Variants in IKZF1 observed in about 807,000 individuals in gnomAD.
The protein encoded by IKZF1 is DNA-binding protein Ikaros.
IKZF1 carries 10 observed loss-of-function variants against 51.7 expected under a neutral mutation model. The observed-to-expected ratio is 0.19, with a 90% CI of 0.12 to 0.33. The LOEUF is 0.33. Among genes scored for constraint, IKZF1 ranks in the 10% least tolerant of loss-of-function variants. The pLI, the probability that IKZF1 is intolerant of heterozygous loss-of-function variation, is 1.00. For synonymous variants in IKZF1, 280 were observed against 282.3 expected (o/e 0.99, Z 0.08); for missense variants, 484 against 707.5 (o/e 0.68, Z 3.58).
chr7:50,383,056 G>T (rs543504583), intron 5 of IKZF1, among the ~76,000 whole-genome samples: 8 of 152,308 alleles, frequency 5.3e-5, no homozygotes, highest in African/African-American at 1.9e-4. Flanking sequence ...CAAGTGTACT[G>T]CTAAGACCCA....
chr7:50,309,473 T>A (rs1200391237), intron 1 of IKZF1, among the ~76,000 whole-genome samples: 2 of 152,004 alleles, frequency 1.3e-5, no homozygotes, highest in African/African-American at 4.8e-5. Flanking sequence ...TTCCTTCCCC[T>A]CTTTCTTTCT....
Position 50,403,601 on chromosome 7 carries a change from T to G in IKZF1, c.*2974T>G, listed in dbSNP as rs2153522465. On this transcript the variant is annotated 3_prime_UTR_variant, in exon 8 of 8. Transcript: ENST00000331340. Reference sequence around the variant, plus strand: ...CCTTCTGTAATTTGTACCTAAAGAGTGTGATTATCCTAATTCAAGAGTCAC... The same window carrying G: ...CCTTCTGTAATTTGTACCTAAAGAGGGTGATTATCCTAATTCAAGAGTCAC... 4.4e-6 allele frequency: 1 copy of G among 228,744 alleles called. No homozygotes were observed. Among genetic ancestry groups the G allele is most frequent in the East Asian group, 6.2e-5 (1 of 16,126 alleles). The allele number at this position is 228,744 out of a possible 1,614,324, so 14.2% of individuals were successfully genotyped here.
intron 5 of IKZF1, among the ~76,000 whole-genome samples, chr7:50,384,316 C>T (rs1266229322): frequency 1.3e-5 from 2 of 152,232 alleles, no homozygotes; most frequent in East Asian, 3.8e-4. Flanking sequence ...GGGGCTGGTG[C>T]ATCACCTCCT....
chr7:50,398,012 A>G (rs949305349), intron 7 of IKZF1, among the ~76,000 whole-genome samples: 1 of 152,242 alleles, frequency 6.6e-6, no homozygotes, highest in African/African-American at 2.4e-5. Context: ...ATATTCCTGG[A>G]CAATTCTTAA....
At chr7:50,321,983 T>C (rs551945933) in intron 2 of IKZF1, among the ~76,000 whole-genome samples, 1 of 152,318 alleles carries the variant, frequency 6.6e-6, no homozygotes, top group Admixed American at 6.5e-5. Flanking sequence ...GGATTCCTAT[T>C]TCTAAAACAC....
rs146586725 is a variant in IKZF1, at chr7:50,314,159, G to A, written c.-14-4889G>A. On this transcript the variant is annotated intron_variant, in intron 1 of 7. Coordinates refer to ENST00000331340, the MANE Select transcript of IKZF1 (RefSeq NM_006060.6). Reference sequence around the variant, plus strand: ...TTCATCTCGCTCTGTCGCCCAGGCTGGAGTGCAGTGGCACAATCTCAGCTC... The same window carrying A: ...TTCATCTCGCTCTGTCGCCCAGGCTAGAGTGCAGTGGCACAATCTCAGCTC... Among the ~76,000 whole-genome samples the A allele has an allele frequency of 1.1e-3, 164 of 152,118 alleles. 1 individual carries two copies. Among genetic ancestry groups the A allele is most frequent in the Non-Finnish European group, 2.1e-3 (144 of 67,980 alleles).
intron 7 of IKZF1, among the ~76,000 whole-genome samples, chr7:50,393,422 C>A (rs1815767747): frequency 6.6e-6 from 1 of 152,106 alleles, no homozygotes; most frequent in Non-Finnish European, 1.5e-5. Context: ...TGTTGACCTG[C>A]AGGATGACAT....
intron 3 of IKZF1, among the ~76,000 whole-genome samples, chr7:50,341,031 A>G (rs1412454416): frequency 6.6e-6 from 1 of 151,856 alleles, no homozygotes; most frequent in Admixed American, 6.6e-5. Flanking sequence ...GTGTTAGTTA[A>G]TTTTTCCCAT....
At chr7:50,325,347 A>AG (rs1412361362) in intron 2 of IKZF1, among the ~76,000 whole-genome samples, 1 of 144,576 alleles carries the variant, frequency 6.9e-6, no homozygotes, top group East Asian at 2.1e-4. Flanking sequence ...CCATTGCTCT[A>AG]GGAAGTCATC....
intron 3 of IKZF1, among the ~76,000 whole-genome samples, chr7:50,341,052 A>G (rs1169046317): frequency 1.3e-5 from 2 of 151,730 alleles, no homozygotes; most frequent in African/African-American, 4.8e-5. Context: ...TTCAATAACC[A>G]TGTTTTATTA....
chr7:50,329,251 A>G (rs1795883278), intron 3 of IKZF1, among the ~76,000 whole-genome samples: 1 of 151,998 alleles, frequency 6.6e-6, no homozygotes, highest in Non-Finnish European at 1.5e-5. Flanking sequence ...GAATCCAGAA[A>G]ACAAGTACAT....
intron 6 of IKZF1, among the ~76,000 whole-genome samples, chr7:50,391,526 A>G (rs1466731119): frequency 1.3e-5 from 2 of 152,214 alleles, no homozygotes; most frequent in African/African-American, 4.8e-5. Flanking sequence ...TGTTGGAGGA[A>G]GAAGCATTTG....
At position 50,319,085 on chromosome 7, in the gene IKZF1, C is replaced by T. The variant is rs763123993; in HGVS notation, c.24C>T (p.Asp8=). MDADEGQ[D]MSQVSGKESP... is the part of the protein sequence containing the mutation. ...CCATGGATGCTGATGAGGGTCAAGA[C>T]ATGTCCCAAGTTTCAGGTGAGACCT... The change falls in exon 2 of 8, where the codon GAC becomes GAT. Residue 8 remains aspartate (D), a synonymous_variant. Transcript: ENST00000331340. The T allele has an allele frequency of 6.2e-6, 10 of 1,613,712 alleles. No individual in the cohort carries two copies. Among genetic ancestry groups the T allele is most frequent in the Non-Finnish European group, 5.1e-6 (6 of 1,179,648 alleles).
At chr7:50,358,877 A>G (rs539066582) in intron 3 of IKZF1, among the ~76,000 whole-genome samples, 4 of 152,124 alleles carry the variant, frequency 2.6e-5, no homozygotes, top group East Asian at 3.9e-4. Context: ...CTGGTTAGAC[A>G]TAAGTTTACA....
At chr7:50,325,085 C>A (rs1794527883) in intron 2 of IKZF1, among the ~76,000 whole-genome samples, 1 of 151,984 alleles carries the variant, frequency 6.6e-6, no homozygotes, top group African/African-American at 2.4e-5. Flanking sequence ...GCATGTCAGG[C>A]CAGAAGGCTC....
At chr7:50,315,879 G>A (rs962129726) in intron 1 of IKZF1, among the ~76,000 whole-genome samples, 1 of 152,092 alleles carries the variant, frequency 6.6e-6, no homozygotes, top group African/African-American at 2.4e-5. Flanking sequence ...GGAGAGGAGG[G>A]GCTCAGTAAG....
At chr7:50,394,800 A>T (rs10215297) in intron 7 of IKZF1, among the ~76,000 whole-genome samples, 24,920 of 152,210 alleles carry the variant, frequency 0.16, 2,190 homozygotes, top group Middle Eastern at 0.24. Context: ...TTTTGCCAGC[A>T]ACATTCCTCA....
At chr7:50,341,351 C>A (rs1799030443) in intron 3 of IKZF1, among the ~76,000 whole-genome samples, 1 of 152,066 alleles carries the variant, frequency 6.6e-6, no homozygotes, top group African/African-American at 2.4e-5. Flanking sequence ...CCACGTTGAC[C>A]AGGCTGGTCT....
intron 1 of IKZF1, among the ~76,000 whole-genome samples, chr7:50,312,111 A>C (rs1050895457): frequency 6.6e-6 from 1 of 152,220 alleles, no homozygotes; most frequent in African/African-American, 2.4e-5. Flanking sequence ...GAAATCGGTA[A>C]GAGGGCAGAA....
Sources: gnomAD v4.1 joint callset for allele counts (sites outside exome capture counted in the v4.1 genomes callset) on GRCh38, gnomAD v4.1.1 for gene constraint, MANE v1.5 for transcripts, NCBI Gene and HGNC (gene_info 2026-07-23, HGNC 2026-07-21) for gene names.